RANBP2: variants seen among roughly 807,000 people sequenced by gnomAD.
The protein encoded by RANBP2 is RAN binding protein 2.
In RANBP2, 57 loss-of-function variants were observed where a neutral mutation model predicts 303.6. The ratio of observed to expected loss-of-function variants is 0.19; its 90% CI spans 0.15 to 0.23. RANBP2 has a LOEUF of 0.23. RANBP2 is among the 10% of genes least tolerant of loss of function. The pLI is 1.00. For missense variants in RANBP2, 3,138 were observed against 3,780.8 expected, an observed-to-expected ratio of 0.83 and a Z score of 4.46; for synonymous variants, 1,167 against 1,301.5, an observed-to-expected ratio of 0.90 and a Z score of 2.23.
the RANBP2 span, chr2:109,614,831 G>T: frequency 2.1e-6 from 3 of 1,425,244 alleles, no homozygotes; most frequent in Middle Eastern, 2.5e-4. Flanking sequence ...GGCCCGAGGC[G>T]CGCGATCGGC....
the RANBP2 span, chr2:109,545,203 C>G: frequency 1.0e-6 from 1 of 985,324 alleles, no homozygotes; most frequent in Non-Finnish European, 1.2e-6. Context: ...GGCAGAGTCC[C>G]CCAAATGAGC....
At chr2:108,891,605 G>T in the RANBP2 span, among the ~76,000 whole-genome samples, 1 of 152,318 alleles carries the variant, frequency 6.6e-6, no homozygotes, top group Admixed American at 6.5e-5. Flanking sequence ...TGTATAGCTG[G>T]CATCTCTGTT....
chr2:109,333,218 T>C, the RANBP2 span, among the ~76,000 whole-genome samples: 1 of 152,204 alleles, frequency 6.6e-6, no homozygotes, highest in African/African-American at 2.4e-5. Context: ...TCTATCAGGT[T>C]CAGGCATTCT....
At chr2:108,868,774 A>T in the RANBP2 span, among the ~76,000 whole-genome samples, 3 of 152,170 alleles carry the variant, frequency 2.0e-5, no homozygotes, top group African/African-American at 7.2e-5. Flanking sequence ...AATAAATACT[A>T]AGAACATTTT....
chr2:109,501,245 G>C, the RANBP2 span, among the ~76,000 whole-genome samples: 5 of 152,306 alleles, frequency 3.3e-5, no homozygotes, highest in East Asian at 9.7e-4. Flanking sequence ...GAATCTTCAA[G>C]GGAGTGAAAC....
the RANBP2 span, among the ~76,000 whole-genome samples, chr2:109,221,671 T>G: frequency 6.6e-6 from 1 of 152,126 alleles, no homozygotes; most frequent in African/African-American, 2.4e-5. Flanking sequence ...TTTCTGTGTC[T>G]TTTGAGAAAT....
chr2:109,532,999 A>AT, the RANBP2 span, among the ~76,000 whole-genome samples: 1 of 152,104 alleles, frequency 6.6e-6, no homozygotes, highest in Non-Finnish European at 1.5e-5. Context: ...AACAAGGCAG[A>AT]TAAGGTCCTG....
chr2:109,252,603 G>C, the RANBP2 span, among the ~76,000 whole-genome samples: 2 of 152,164 alleles, frequency 1.3e-5, no homozygotes, highest in African/African-American at 4.8e-5. Flanking sequence ...ATTATGTCCT[G>C]ATAAACCCAT....
chr2:109,457,205 G>C, the RANBP2 span, among the ~76,000 whole-genome samples: 8 of 152,156 alleles, frequency 5.3e-5, no homozygotes, highest in Non-Finnish European at 1.2e-4. Context: ...AAAAGTATTA[G>C]AAATTATTAT....
chr2:109,082,764 A>G, the RANBP2 span, among the ~76,000 whole-genome samples: 245 of 151,800 alleles, frequency 1.6e-3, no homozygotes, highest in Non-Finnish European at 2.7e-3. Flanking sequence ...GCAGTGCACT[A>G]TGATGGCACC....
chr2:109,238,482 TGTGTGTGTGTGTGTGTGA>T, the RANBP2 span, among the ~76,000 whole-genome samples: 1 of 140,256 alleles, frequency 7.1e-6, no homozygotes, highest in African/African-American at 2.9e-5. Flanking sequence ...TGTGTGTGTG[TGTGTGTGTGTGTGTGTGA>T]GAGTGAGACA....
At chr2:109,006,316 C>T in the RANBP2 span, among the ~76,000 whole-genome samples, 3 of 152,206 alleles carry the variant, frequency 2.0e-5, no homozygotes, top group African/African-American at 7.2e-5. Context: ...GCCTCAGCCT[C>T]CCAAGTAGCT....
chr2:109,244,104 A>T, the RANBP2 span, among the ~76,000 whole-genome samples: 2 of 152,180 alleles, frequency 1.3e-5, no homozygotes, highest in Non-Finnish European at 2.9e-5. Context: ...GATAGAAAGA[A>T]TAGTTTTCCT....
the RANBP2 span, among the ~76,000 whole-genome samples, chr2:109,546,891 A>G: frequency 6.6e-6 from 1 of 152,216 alleles, no homozygotes; most frequent in Admixed American, 6.5e-5. Context: ...AAGATAAAGA[A>G]TAAATTAATG....
chr2:108,841,894 G>A, the RANBP2 span, among the ~76,000 whole-genome samples: 1 of 151,974 alleles, frequency 6.6e-6, no homozygotes, highest in African/African-American at 2.4e-5. Context: ...AGTGTATTGA[G>A]TGTATCTCTT....
the RANBP2 span, among the ~76,000 whole-genome samples, chr2:109,498,918 G>A: frequency 1.3e-5 from 2 of 152,206 alleles, no homozygotes; most frequent in Non-Finnish European, 2.9e-5. Context: ...TGAGGTGGGT[G>A]CACCTGGGGT....
chr2:109,149,269 G>A, the RANBP2 span, among the ~76,000 whole-genome samples: 237 of 152,226 alleles, frequency 1.6e-3, no homozygotes, highest in Non-Finnish European at 2.6e-3. Flanking sequence ...ATGGCCCCCC[G>A]GGACCCGTTC....
At chr2:108,923,742 A>G in the RANBP2 span, among the ~76,000 whole-genome samples, 1 of 152,192 alleles carries the variant, frequency 6.6e-6, no homozygotes, top group Non-Finnish European at 1.5e-5. Context: ...GTGTGCCATC[A>G]CATCATCCAC....
the RANBP2 span, among the ~76,000 whole-genome samples, chr2:109,207,289 G>A: frequency 6.7e-6 from 1 of 149,444 alleles, no homozygotes; most frequent in Admixed American, 6.6e-5. Flanking sequence ...AGAGTAAGCT[G>A]TGTGTCTGAT....
Sources: allele counts gnomAD v4.1 joint callset (sites outside exome capture counted in the v4.1 genomes callset), GRCh38; gene constraint gnomAD v4.1.1; transcripts MANE v1.5; gene names NCBI Gene and HGNC (gene_info 2026-07-23, HGNC 2026-07-21).